Variants in CNTNAP5 observed in about 807,000 individuals in gnomAD.
CNTNAP5 encodes the protein contactin associated protein family member 5, also known as contactin-associated protein-like 5.
Under a neutral mutation model 150.2 loss-of-function variants are expected in CNTNAP5, and 72 were observed. The ratio of observed to expected loss-of-function variants is 0.48; its 90% CI spans 0.40 to 0.58. The LOEUF is 0.58. CNTNAP5 is among the 20% of genes least tolerant of loss of function. The probability of loss-of-function intolerance (pLI) is 0.00; values close to 1 mark genes in which losing one functional copy is unlikely to be tolerated. For synonymous variants in CNTNAP5, 672 were observed against 619.8 expected, an observed-to-expected ratio of 1.08 and a Z score of -1.25; for missense variants, 1,636 against 1,626.2, an observed-to-expected ratio of 1.01 and a Z score of -0.10.
At chr2:124,644,684 G>T (rs933111592) in intron 12 of CNTNAP5, among the ~76,000 whole-genome samples, 2 of 152,158 alleles carry the variant, frequency 1.3e-5, no homozygotes, top group East Asian at 3.9e-4. Context: ...GACAGATACA[G>T]ATGATACAGG....
At chr2:124,080,490 C>T (rs917169237) in intron 1 of CNTNAP5, among the ~76,000 whole-genome samples, 3 of 152,140 alleles carry the variant, frequency 2.0e-5, no homozygotes, top group East Asian at 1.9e-4. Flanking sequence ...GACTTTGAAC[C>T]GCTGCATGAA....
chr2:124,332,829 T>C (rs902539528), intron 3 of CNTNAP5, among the ~76,000 whole-genome samples: 1 of 152,162 alleles, frequency 6.6e-6, no homozygotes, highest in South Asian at 2.1e-4. Context: ...TGTGTGTCTG[T>C]ATTAGATTTA....
intron 10 of CNTNAP5, among the ~76,000 whole-genome samples, chr2:124,533,345 T>G (rs1384473205): frequency 6.6e-6 from 1 of 152,090 alleles, no homozygotes; most frequent in Non-Finnish European, 1.5e-5. Context: ...TCACCAGAAG[T>G]GCTTGTTAAA....
rs374344658 is a variant in CNTNAP5 at position 124,855,387 on chromosome 2, A to G, written c.3218-9919A>G. On this transcript the variant is annotated intron_variant, in intron 19 of 23. Coordinates refer to ENST00000682447, the MANE Select transcript of CNTNAP5 (RefSeq NM_001367498.1). ...GAGGCAGGGTTTCGCCATGTTGGTC[A>G]GGCTCGAACTCCTGACCTCAAGTGA... Among the ~76,000 whole-genome samples the G allele has an allele frequency of 3.3e-5, 5 of 152,142 alleles. No individual in the cohort carries two copies. In the South Asian group the frequency reaches 6.2e-4, roughly 19 times the overall value.
intron 21 of CNTNAP5, among the ~76,000 whole-genome samples, chr2:124,892,717 A>G (rs1678219001): frequency 6.6e-6 from 1 of 152,042 alleles, no homozygotes; most frequent in Non-Finnish European, 1.5e-5. Flanking sequence ...ACAATATCCA[A>G]TGTTTTGTTC....
chr2:124,324,744 G>A (rs1481853437), intron 3 of CNTNAP5, among the ~76,000 whole-genome samples: 1 of 152,184 alleles, frequency 6.6e-6, no homozygotes, highest in Non-Finnish European at 1.5e-5. Flanking sequence ...GCAAGCAGGA[G>A]GACTTTCTGT....
intron 11 of CNTNAP5, among the ~76,000 whole-genome samples, chr2:124,566,183 A>G (rs1450455765): frequency 2.0e-5 from 3 of 152,192 alleles, no homozygotes; most frequent in Non-Finnish European, 4.4e-5. Context: ...TGCTGCTGTA[A>G]GAAGTCAGAG....
intron 19 of CNTNAP5, among the ~76,000 whole-genome samples, chr2:124,826,806 A>G (rs1169071730): frequency 3.9e-5 from 6 of 152,174 alleles, no homozygotes; most frequent in Non-Finnish European, 7.4e-5. Context: ...CCTGAGCAGC[A>G]GGTAAATGTG....
chr2:124,177,241 G>C (rs547200807), intron 1 of CNTNAP5, among the ~76,000 whole-genome samples: 1 of 152,122 alleles, frequency 6.6e-6, no homozygotes, highest in Admixed American at 6.5e-5. Flanking sequence ...TGGGAAAAAG[G>C]GGTTTTAGCT....
At chr2:124,487,230 G>C (rs6706476) in intron 7 of CNTNAP5, among the ~76,000 whole-genome samples, 25,344 of 152,026 alleles carry the variant, frequency 0.17, 2,806 homozygotes, top group African/African-American at 0.3. Context: ...CATCCCCAAG[G>C]CATCAGGGAA....
chr2:124,084,028 C>T (rs1682621142), intron 1 of CNTNAP5, among the ~76,000 whole-genome samples: 1 of 129,012 alleles, frequency 7.8e-6, no homozygotes, highest in South Asian at 2.9e-4. Flanking sequence ...CACTGTGTAT[C>T]TGTCCATTTA....
intron 8 of CNTNAP5, among the ~76,000 whole-genome samples, chr2:124,514,064 G>A (rs1194795607): frequency 6.6e-6 from 1 of 152,202 alleles, no homozygotes; most frequent in Non-Finnish European, 1.5e-5. Flanking sequence ...CAAAAAAGTG[G>A]ATAGCCACAG....
chr2:124,692,236 C>G (rs1298594393), intron 13 of CNTNAP5, among the ~76,000 whole-genome samples: 1 of 152,050 alleles, frequency 6.6e-6, no homozygotes, highest in Non-Finnish European at 1.5e-5. Flanking sequence ...AAATAGTTAA[C>G]TATTTTCAAC....
At chr2:124,681,340 T>C (rs1470545923) in intron 13 of CNTNAP5, among the ~76,000 whole-genome samples, 1 of 150,926 alleles carries the variant, frequency 6.6e-6, no homozygotes, top group African/African-American at 2.4e-5. Flanking sequence ...AGCCATGTTG[T>C]GGGCATGGGG....
At chr2:124,860,054 A>AT (rs1304216990) in intron 19 of CNTNAP5, among the ~76,000 whole-genome samples, 3 of 151,886 alleles carry the variant, frequency 2.0e-5, no homozygotes, top group Admixed American at 1.3e-4. Flanking sequence ...AACTTAAAGT[A>AT]TAAAAAAAAA....
intron 11 of CNTNAP5, among the ~76,000 whole-genome samples, chr2:124,603,628 C>T (rs1190211740): frequency 2.6e-5 from 4 of 152,210 alleles, no homozygotes; most frequent in African/African-American, 9.6e-5. Context: ...AAGTTGCATT[C>T]AAATACATTT....
Position 124,480,391 on chromosome 2 carries a change from T to C in CNTNAP5, c.1062+5509T>C, listed in dbSNP as rs562442055. Among the ~76,000 whole-genome samples, 11 of 152,330 alleles carry C rather than the reference T, an allele frequency of 7.2e-5. No homozygotes were observed. The South Asian group carries it at 2.3e-3, about 32-fold the overall frequency. Reference sequence around the variant, plus strand: ...CCCTTCGTTTGCATCTCTGCTGTCATGCAACTTATTGGAGCATGGTTGATT... The same window carrying C: ...CCCTTCGTTTGCATCTCTGCTGTCACGCAACTTATTGGAGCATGGTTGATT... On this transcript the variant is annotated intron_variant, in intron 7 of 23. Transcript: ENST00000682447.
At chr2:124,513,504 A>G (rs573325800) in intron 8 of CNTNAP5, among the ~76,000 whole-genome samples, 1 of 152,334 alleles carries the variant, frequency 6.6e-6, no homozygotes, top group African/African-American at 2.4e-5. Context: ...AACCATGGAA[A>G]CAAGTACATT....
intron 13 of CNTNAP5, among the ~76,000 whole-genome samples, chr2:124,734,446 G>A (rs138088630): frequency 2.3e-3 from 355 of 152,152 alleles, no homozygotes; most frequent in African/African-American, 8.0e-3. Context: ...TTCAAATGAT[G>A]GAACAGAGTT....
Sources: gnomAD v4.1 joint callset for allele counts (sites outside exome capture counted in the v4.1 genomes callset) on GRCh38, gnomAD v4.1.1 for gene constraint, MANE v1.5 for transcripts, NCBI Gene and HGNC (gene_info 2026-07-23, HGNC 2026-07-21) for gene names.